Variants in SFSWAP observed in about 807,000 individuals in gnomAD.
SFSWAP encodes splicing factor SWAP.
A neutral mutation model predicts 100.7 loss-of-function variants in SFSWAP; 17 were observed. The observed-to-expected ratio is 0.17, with a 90% CI of 0.12 to 0.25. The LOEUF (loss-of-function observed/expected upper bound fraction) is 0.25. SFSWAP is among the 10% of genes least tolerant of loss of function. The pLI is 1.00. For missense variants in SFSWAP, 1,005 were observed against 1,262.6 expected (o/e 0.80, Z 3.09); for synonymous variants, 504 against 510.1 (o/e 0.99, Z 0.16).
chr12:131,720,180 C>CT (rs774113654), intron 4 of SFSWAP, among the ~76,000 whole-genome samples: 15 of 152,130 alleles, frequency 9.9e-5, no homozygotes, highest in Non-Finnish European at 1.8e-4. Flanking sequence ...AGGATTTTTC[C>CT]TTTTTTTCTG....
At chr12:131,771,851 CAG>C (rs1422856419) in intron 13 of SFSWAP, among the ~76,000 whole-genome samples, 4 of 151,990 alleles carry the variant, frequency 2.6e-5, no homozygotes, top group Non-Finnish European at 4.4e-5. Flanking sequence ...TTAGTAGAGA[CAG>C]GGTTTCACCA....
chr12:131,749,028 A>G (rs1304702929), intron 7 of SFSWAP, among the ~76,000 whole-genome samples: 2 of 152,274 alleles, frequency 1.3e-5, no homozygotes, highest in East Asian at 3.8e-4. Flanking sequence ...ATGATGGTGC[A>G]CATGCAATTT....
intron 1 of SFSWAP, chr12:131,712,132 T>TA (rs2136170404): frequency 6.6e-6 from 1 of 152,652 alleles, no homozygotes; most frequent in African/African-American, 2.4e-5. Flanking sequence ...TTGGAAGAGA[T>TA]AGTGTTCTTA....
At chr12:131,743,099 G>A (rs1395247523) in intron 7 of SFSWAP, among the ~76,000 whole-genome samples, 3 of 152,222 alleles carry the variant, frequency 2.0e-5, no homozygotes, top group African/African-American at 7.2e-5. Flanking sequence ...CACAACATGT[G>A]GGAATAGTGG....
chr12:131,783,242 T>C (rs780625042), intron 14 of SFSWAP, among the ~76,000 whole-genome samples: 15 of 152,208 alleles, frequency 9.9e-5, no homozygotes, highest in Non-Finnish European at 7.3e-5. Context: ...ATTTGTATTT[T>C]GATATTGTAT....
At chr12:131,715,639 G>A (rs913261815) in intron 3 of SFSWAP, among the ~76,000 whole-genome samples, 7 of 152,226 alleles carry the variant, frequency 4.6e-5, no homozygotes, top group Non-Finnish European at 7.3e-5. Flanking sequence ...ATGGTCAGTC[G>A]TTAATTAGCA....
chr12:131,715,631 GGTCA>G (rs1360899061), intron 3 of SFSWAP, among the ~76,000 whole-genome samples: 1 of 152,156 alleles, frequency 6.6e-6, no homozygotes, highest in Non-Finnish European at 1.5e-5. Flanking sequence ...GCTGCATCAT[GGTCA>G]GTCGTTAATT....
At position 131,765,666 on chromosome 12, in the gene SFSWAP, A is replaced by AT. The variant is rs1883056901; in HGVS notation, c.1952-452_1952-451insT. Among the ~76,000 whole-genome samples the AT allele has an allele frequency of 2.6e-5, 4 of 151,966 alleles. No individual in the cohort carries two copies. The South Asian group carries it at 8.3e-4, about 32-fold the overall frequency. ...CTCCGTCTCAAAGAAAAAAAAAAAA[A>AT]GCCATTTTTCAACCACAATCCACCA... On this transcript the variant is annotated intron_variant, in intron 12 of 17. Coordinates refer to ENST00000261674, the MANE Select transcript of SFSWAP (RefSeq NM_004592.4).
At chr12:131,743,170 A>G (rs536749680) in intron 7 of SFSWAP, among the ~76,000 whole-genome samples, 24 of 152,006 alleles carry the variant, frequency 1.6e-4, no homozygotes, top group African/African-American at 5.6e-4. Flanking sequence ...ATCCCCTCTC[A>G]CCCCTCCCAA....
At chr12:131,727,570 A>G (rs1879101566) in intron 6 of SFSWAP, among the ~76,000 whole-genome samples, 1 of 152,172 alleles carries the variant, frequency 6.6e-6, no homozygotes, top group Admixed American at 6.5e-5. Flanking sequence ...GCTTGAACCT[A>G]GTAAGTGGAG....
At chr12:131,742,661 G>A (rs61936375) in intron 7 of SFSWAP, among the ~76,000 whole-genome samples, 9,510 of 150,868 alleles carry the variant, frequency 0.063, 325 homozygotes, top group Middle Eastern at 0.12. Flanking sequence ...ATACTAGGTC[G>A]TCGGGAGGTT....
intron 14 of SFSWAP, chr12:131,783,635 T>C (rs1469674132): frequency 6.6e-6 from 1 of 150,946 alleles, no homozygotes; most frequent in African/African-American, 2.4e-5. Context: ...TACAAAAAAT[T>C]AGCCGGGCGT....
chr12:131,774,135 G>A (rs548629259), intron 13 of SFSWAP, among the ~76,000 whole-genome samples: 10 of 152,324 alleles, frequency 6.6e-5, no homozygotes, highest in East Asian at 3.9e-4. Context: ...GGCACGGGGC[G>A]CTGGAGCAGA....
intron 11 of SFSWAP, chr12:131,757,404 CCT>C (rs1453335351): frequency 7.9e-5 from 12 of 152,518 alleles, no homozygotes; most frequent in African/African-American, 2.9e-4. Context: ...CCCGGTGCAC[CCT>C]GTCGGGGAGG....
chr12:131,768,432 G>C (rs896373710), intron 13 of SFSWAP, among the ~76,000 whole-genome samples: 4 of 152,232 alleles, frequency 2.6e-5, no homozygotes, highest in Non-Finnish European at 5.9e-5. Context: ...AAATGATGCT[G>C]AAGGCTGAAT....
At chr12:131,727,335 T>C (rs1477220077) in intron 6 of SFSWAP, among the ~76,000 whole-genome samples, 2 of 152,142 alleles carry the variant, frequency 1.3e-5, no homozygotes, top group East Asian at 1.9e-4. Context: ...CCAAGTAGAG[T>C]GTTGGTTAAG....
intron 7 of SFSWAP, among the ~76,000 whole-genome samples, chr12:131,735,089 C>T (rs763908829): frequency 3.3e-5 from 5 of 152,168 alleles, no homozygotes; most frequent in Non-Finnish European, 7.3e-5. Flanking sequence ...AGAGAGCTGG[C>T]GAGAGGCTTT....
At chr12:131,758,232 G>A (rs952686098) in intron 11 of SFSWAP, among the ~76,000 whole-genome samples, 7 of 152,122 alleles carry the variant, frequency 4.6e-5, no homozygotes, top group Non-Finnish European at 1.0e-4. Flanking sequence ...TGTGGGGCCC[G>A]CAGAGGAGCA....
At chr12:131,732,384 G>A (rs568973872) in intron 7 of SFSWAP, among the ~76,000 whole-genome samples, 106 of 152,284 alleles carry the variant, frequency 7.0e-4, no homozygotes, top group Non-Finnish European at 1.2e-3. Context: ...TGAGGACGTC[G>A]CTGAGTTGCT....
Sources: gnomAD v4.1 joint callset for allele counts (sites outside exome capture counted in the v4.1 genomes callset) on GRCh38, gnomAD v4.1.1 for gene constraint, MANE v1.5 for transcripts, NCBI Gene and HGNC (gene_info 2026-07-23, HGNC 2026-07-21) for gene names.